Variants in COL25A1 observed in about 807,000 individuals in gnomAD.
The protein encoded by COL25A1 is collagen alpha-1(XXV) chain.
A neutral mutation model predicts 128.4 loss-of-function variants in COL25A1; 103 were observed. The ratio of observed to expected loss-of-function variants is 0.80; its 90% CI spans 0.68 to 0.94. The LOEUF is 0.94. COL25A1 is among the 40% of genes least tolerant of loss of function. The probability of loss-of-function intolerance (pLI) is 0.00; values close to 1 mark genes in which losing one functional copy is unlikely to be tolerated. For synonymous variants in COL25A1, 279 were observed against 277.2 expected, an observed-to-expected ratio of 1.01 and a Z score of -0.06; for missense variants, 745 against 840.0, an observed-to-expected ratio of 0.89 and a Z score of 1.40.
chr4:109,016,476 A>G (rs1757228101), intron 5 of COL25A1, among the ~76,000 whole-genome samples: 1 of 152,234 alleles, frequency 6.6e-6, no homozygotes, highest in African/African-American at 2.4e-5. Flanking sequence ...CCCCTCCTTC[A>G]AGCCAGGAAA....
chr4:108,889,663 A>C, intron 17 of COL25A1, 38 bp downstream of exon 17: 1 of 1,593,528 alleles, frequency 6.3e-7, no homozygotes, highest in Non-Finnish European at 8.6e-7. Context: ...TCAGAACTGT[A>C]ACTCCTGGAG....
At chr4:109,147,216 A>G (rs1294785341) in intron 3 of COL25A1, among the ~76,000 whole-genome samples, 1 of 152,226 alleles carries the variant, frequency 6.6e-6, no homozygotes, top group Non-Finnish European at 1.5e-5. Flanking sequence ...GCAGGCTTCT[A>G]AATTGCAAAC....
intron 20 of COL25A1, among the ~76,000 whole-genome samples, chr4:108,864,996 T>G (rs550876831): frequency 2.0e-5 from 3 of 152,320 alleles, no homozygotes; most frequent in African/African-American, 7.2e-5. Context: ...TTGCACATCG[T>G]TGATCATTTT....
chr4:109,126,172 C>T lies in COL25A1; in HGVS notation c.368-75993G>A, dbSNP rs114722989. Among the ~76,000 whole-genome samples, 364 of 152,018 alleles carry T rather than the reference C, an allele frequency of 2.4e-3. 3 individuals carry two copies. Among genetic ancestry groups the T allele is most frequent in the African/African-American group, 8.4e-3 (348 of 41,458 alleles). On this transcript the variant is annotated intron_variant, in intron 3 of 37. Coordinates refer to ENST00000399132, the MANE Select transcript of COL25A1 (RefSeq NM_198721.4). The stretch of plus-strand genomic sequence containing the variant: ...ATCCCCAATGTTTTTCTAATCCTCA[C>T]GGTAAAAAAGAAAAGTAAAGCATGC...
intron 35 of COL25A1, among the ~76,000 whole-genome samples, chr4:108,822,604 AG>A (rs1731913012): frequency 6.6e-6 from 1 of 151,910 alleles, no homozygotes; most frequent in Admixed American, 6.6e-5. Context: ...TTTTTAGTAG[AG>A]ATGGGGGTCT....
intron 3 of COL25A1, among the ~76,000 whole-genome samples, chr4:109,153,855 C>T (rs1203769308): frequency 1.3e-5 from 2 of 152,156 alleles, no homozygotes; most frequent in Admixed American, 1.3e-4. Context: ...ATACTACAAT[C>T]CCATAAGGTC....
chr4:109,169,703 AT>A (rs1654509555), intron 3 of COL25A1, among the ~76,000 whole-genome samples: 1 of 152,186 alleles, frequency 6.6e-6, no homozygotes, highest in Non-Finnish European at 1.5e-5. Flanking sequence ...GGTTAATTGT[AT>A]CTTTTCTTCA....
intron 3 of COL25A1, among the ~76,000 whole-genome samples, chr4:109,064,548 C>A (rs907616517): frequency 1.1e-4 from 16 of 152,152 alleles, no homozygotes; most frequent in African/African-American, 3.9e-4. Context: ...CCAATATTTT[C>A]ACTCAAATAC....
chr4:108,941,958 G>A (rs1200633450), intron 8 of COL25A1, among the ~76,000 whole-genome samples: 1 of 152,170 alleles, frequency 6.6e-6, no homozygotes, highest in African/African-American at 2.4e-5. Context: ...GGCGTGGCAT[G>A]GTTCTAGATT....
intron 3 of COL25A1, among the ~76,000 whole-genome samples, chr4:109,070,520 C>A (rs752697603): frequency 1.1e-4 from 16 of 152,062 alleles, no homozygotes; most frequent in Non-Finnish European, 2.2e-4. Context: ...TTTTGGTTGC[C>A]CACACATTTT....
At chr4:109,031,173 G>A (rs554659616) in intron 5 of COL25A1, among the ~76,000 whole-genome samples, 5 of 152,226 alleles carry the variant, frequency 3.3e-5, no homozygotes, top group African/African-American at 9.6e-5. Flanking sequence ...GTGCAGTGGC[G>A]CGATCTCGGC....
chr4:109,279,822 C>T (rs1723194618), intron 3 of COL25A1, among the ~76,000 whole-genome samples: 1 of 152,094 alleles, frequency 6.6e-6, no homozygotes, highest in African/African-American at 2.4e-5. Flanking sequence ...TCCTTTTTCT[C>T]CAGCATCCTG....
intron 8 of COL25A1, among the ~76,000 whole-genome samples, chr4:108,957,529 A>G (rs185158245): frequency 9.8e-5 from 15 of 152,346 alleles, no homozygotes; most frequent in African/African-American, 3.6e-4. Flanking sequence ...AACTAAATGT[A>G]TAGGAAGTAG....
intron 3 of COL25A1, among the ~76,000 whole-genome samples, chr4:109,186,529 T>TA (rs1775147974): frequency 6.6e-6 from 1 of 152,188 alleles, no homozygotes; most frequent in South Asian, 2.1e-4. Flanking sequence ...AACTTTTTTT[T>TA]AAAGCATCTC....
intron 31 of COL25A1, among the ~76,000 whole-genome samples, chr4:108,839,462 T>C (rs1469603101): frequency 3.3e-5 from 5 of 152,204 alleles, no homozygotes; most frequent in African/African-American, 4.8e-5. Flanking sequence ...GGGAATGCTA[T>C]TGATTGAGGA....
chr4:109,165,408 T>C (rs1363727984), intron 3 of COL25A1, among the ~76,000 whole-genome samples: 1 of 152,164 alleles, frequency 6.6e-6, no homozygotes, highest in Admixed American at 6.5e-5. Flanking sequence ...TTTTGGACAC[T>C]GTCCATTGTT....
At chr4:108,828,640 T>C (rs75968829) in intron 32 of COL25A1, among the ~76,000 whole-genome samples, 1,962 of 152,274 alleles carry the variant, frequency 0.013, 43 homozygotes, top group African/African-American at 0.044. Context: ...GAAAGAGATG[T>C]TCTGTATTTC....
rs149546159 is a variant in COL25A1, at chr4:109,189,891, T to C, written c.367+110692A>G. Among the ~76,000 whole-genome samples, 313 of 152,294 alleles carry C rather than the reference T, an allele frequency of 2.1e-3. 1 individual carries two copies. Among genetic ancestry groups the C allele is most frequent in the African/African-American group, 7.0e-3 (292 of 41,564 alleles). ...ACATTAAGTTTAACGACTTTTACTA[T>C]TGGTGGGATTTTTTCCCCAGCAAAT... On this transcript the variant is annotated intron_variant, in intron 3 of 37. Coordinates refer to ENST00000399132, the MANE Select transcript of COL25A1 (RefSeq NM_198721.4).
chr4:109,091,638 T>G (rs1444471341), intron 3 of COL25A1, among the ~76,000 whole-genome samples: 2 of 152,120 alleles, frequency 1.3e-5, no homozygotes, highest in Non-Finnish European at 2.9e-5. Context: ...AGAGTTCTTT[T>G]AGAAGTCAGC....
Sources: allele counts gnomAD v4.1 joint callset (sites outside exome capture counted in the v4.1 genomes callset), GRCh38; gene constraint gnomAD v4.1.1; transcripts MANE v1.5; gene names NCBI Gene and HGNC (gene_info 2026-07-23, HGNC 2026-07-21).